Variants in MDGA2 observed in about 807,000 individuals in gnomAD.
The protein encoded by MDGA2 is MAM domain containing glycosylphosphatidylinositol anchor 2, also known as MAM domain-containing glycosylphosphatidylinositol anchor protein 2.
In MDGA2, 40 loss-of-function variants were observed where a neutral mutation model predicts 117.8. The ratio of observed to expected loss-of-function variants is 0.34; its 90% CI spans 0.26 to 0.44. The LOEUF (loss-of-function observed/expected upper bound fraction) is 0.44, where lower values mean the gene tolerates loss of function less well. Ranked by LOEUF, MDGA2 falls within the 20% of genes least tolerant of loss-of-function variation. The probability of loss-of-function intolerance (pLI) is 1.00; values close to 1 mark genes in which losing one functional copy is unlikely to be tolerated. For synonymous variants in MDGA2, 452 were observed against 439.0 expected (o/e 1.03, Z -0.37); for missense variants, 1,123 against 1,250.6 (o/e 0.90, Z 1.54).
At chr14:47,105,133 C>T (rs960817720) in intron 5 of MDGA2, among the ~76,000 whole-genome samples, 4 of 152,092 alleles carry the variant, frequency 2.6e-5, no homozygotes, top group South Asian at 4.1e-4. Flanking sequence ...TCACCCTTAG[C>T]GGCAAGTCCC....
chr14:47,360,710 T>C (rs1481170680), intron 1 of MDGA2, among the ~76,000 whole-genome samples: 1 of 152,072 alleles, frequency 6.6e-6, no homozygotes. Flanking sequence ...GACCCAGCAA[T>C]CCCTCTGTAG....
intron 15 of MDGA2, among the ~76,000 whole-genome samples, chr14:46,849,225 T>C (rs1443060413): frequency 6.6e-6 from 1 of 151,984 alleles, no homozygotes; most frequent in Non-Finnish European, 1.5e-5. Context: ...CAGAGAAATC[T>C]GCAGTCTTCC....
intron 1 of MDGA2, among the ~76,000 whole-genome samples, chr14:47,664,087 A>G (rs1193347664): frequency 6.6e-6 from 1 of 152,200 alleles, no homozygotes; most frequent in Non-Finnish European, 1.5e-5. Flanking sequence ...ACCACTGTTA[A>G]GGAGAAGAAG....
intron 3 of MDGA2, among the ~76,000 whole-genome samples, chr14:47,188,333 T>TCTTG (rs1357304331): frequency 7.9e-5 from 12 of 152,318 alleles, no homozygotes; most frequent in African/African-American, 2.9e-4. Context: ...ACTATTGCTC[T>TCTTG]CTTGCTTGCT....
chr14:47,471,879 A>G (rs950219814), intron 1 of MDGA2, among the ~76,000 whole-genome samples: 11 of 152,140 alleles, frequency 7.2e-5, no homozygotes, highest in Non-Finnish European at 2.9e-5. Context: ...TCACTTTCCA[A>G]ATAACTTTAA....
chr14:47,274,779 T>C (rs1458308622), intron 2 of MDGA2, among the ~76,000 whole-genome samples: 1 of 152,172 alleles, frequency 6.6e-6, no homozygotes, highest in Non-Finnish European at 1.5e-5. Flanking sequence ...AAGTGGTGTC[T>C]CCTTGTAGGT....
chr14:47,153,585 A>G (rs1488822287), intron 3 of MDGA2, among the ~76,000 whole-genome samples: 11 of 151,902 alleles, frequency 7.2e-5, no homozygotes, highest in Admixed American at 7.2e-4. Context: ...TGGATTTGGG[A>G]GTCATCAGTA....
At chr14:47,520,531 T>G (rs543789917) in intron 1 of MDGA2, among the ~76,000 whole-genome samples, 1 of 152,304 alleles carries the variant, frequency 6.6e-6, no homozygotes, top group East Asian at 1.9e-4. Flanking sequence ...TGTAAGTACT[T>G]TTCAAGGCCT....
At chr14:47,176,223 G>T (rs571360396) in intron 3 of MDGA2, among the ~76,000 whole-genome samples, 5 of 152,084 alleles carry the variant, frequency 3.3e-5, no homozygotes, top group African/African-American at 4.8e-5. Flanking sequence ...TGGCCATACT[G>T]CCCAAGGTAA....
At chr14:47,022,773 T>C (rs986796137) in intron 8 of MDGA2, among the ~76,000 whole-genome samples, 5 of 152,150 alleles carry the variant, frequency 3.3e-5, no homozygotes, top group African/African-American at 4.8e-5. Context: ...ACAAAAAGCA[T>C]TGAGTTCAAA....
chr14:47,542,221 C>T (rs1483504257), intron 1 of MDGA2, among the ~76,000 whole-genome samples: 2 of 152,164 alleles, frequency 1.3e-5, no homozygotes, highest in African/African-American at 2.4e-5. Flanking sequence ...TCTTAAAGCA[C>T]CACTTGTGTT....
At chr14:47,239,338 T>A in intron 2 of MDGA2, among the ~76,000 whole-genome samples, 1 of 151,802 alleles carries the variant, frequency 6.6e-6, no homozygotes, top group Non-Finnish European at 1.5e-5. Flanking sequence ...ATTTTAATCA[T>A]AAATATTTCA....
At chr14:47,573,837 G>C (rs987580196) in intron 1 of MDGA2, among the ~76,000 whole-genome samples, 2 of 152,046 alleles carry the variant, frequency 1.3e-5, no homozygotes, top group African/African-American at 4.8e-5. Context: ...TAAAAATTAA[G>C]AAGTGATTTC....
At chr14:46,923,713 AG>A (rs1325702485) in intron 9 of MDGA2, among the ~76,000 whole-genome samples, 2 of 152,020 alleles carry the variant, frequency 1.3e-5, no homozygotes, top group African/African-American at 2.4e-5. Context: ...TTATTGGAAA[AG>A]GGCATCTTAA....
At chr14:47,491,503 T>C (rs746943322) in intron 1 of MDGA2, among the ~76,000 whole-genome samples, 1 of 152,136 alleles carries the variant, frequency 6.6e-6, no homozygotes, top group Non-Finnish European at 1.5e-5. Context: ...GACTAGATAG[T>C]ACTTTATCTC....
At chr14:47,223,437 T>C (rs906431185) in intron 2 of MDGA2, among the ~76,000 whole-genome samples, 19 of 152,192 alleles carry the variant, frequency 1.2e-4, no homozygotes, top group Non-Finnish European at 2.2e-4. Context: ...AAACTACTGC[T>C]TAAGATTGTT....
intron 3 of MDGA2, among the ~76,000 whole-genome samples, chr14:47,175,946 G>T (rs1240504722): frequency 6.6e-6 from 1 of 152,132 alleles, no homozygotes; most frequent in African/African-American, 2.4e-5. Context: ...AGCAACTTCA[G>T]CAAAGTCTCA....
rs143591052 is a variant in MDGA2 at position 47,672,280 on chromosome 14, T to G, written c.280+2237A>C. On this transcript the variant is annotated intron_variant, in intron 1 of 16. Transcript: ENST00000399232. ...ACAATTCTATTCCTGGCTACATGAC[T>G]AATAACCACATCAATATAAAAACAA... 4.4e-3 allele frequency among the ~76,000 whole-genome samples: 672 copies of G among 152,300 alleles called. 2 individuals carry two copies. Among genetic ancestry groups the G allele is most frequent in the Non-Finnish European group, 5.4e-3 (364 of 68,014 alleles).
chr14:47,331,818 T>A (rs1890300929), intron 1 of MDGA2, among the ~76,000 whole-genome samples: 2 of 152,016 alleles, frequency 1.3e-5, no homozygotes, highest in South Asian at 4.1e-4. Context: ...AATTTATGTA[T>A]TAGTGAATTT....
Sources: gnomAD v4.1 joint callset for allele counts (sites outside exome capture counted in the v4.1 genomes callset) on GRCh38, gnomAD v4.1.1 for gene constraint, MANE v1.5 for transcripts, NCBI Gene and HGNC (gene_info 2026-07-23, HGNC 2026-07-21) for gene names.